CTNNA2: variants seen among roughly 807,000 people sequenced by gnomAD.
The protein encoded by CTNNA2 is catenin alpha 2.
A neutral mutation model predicts 101.0 loss-of-function variants in CTNNA2; 42 were observed. That is an observed-to-expected ratio of 0.42 (90% CI 0.32 to 0.54). The LOEUF is 0.54. CTNNA2 is among the 20% of genes least tolerant of loss of function. The pLI is 0.14. For missense variants in CTNNA2, 871 were observed against 1,223.1 expected, an observed-to-expected ratio of 0.71 and a Z score of 4.29; for synonymous variants, 450 against 456.4, an observed-to-expected ratio of 0.99 and a Z score of 0.18.
At chr2:80,357,236 T>G (rs1457656927) in intron 7 of CTNNA2, among the ~76,000 whole-genome samples, 2 of 140,630 alleles carry the variant, frequency 1.4e-5, no homozygotes, top group Non-Finnish European at 3.1e-5. Context: ...AGCATTTTTT[T>G]TTTGTTTTTT....
intron 3 of CTNNA2, among the ~76,000 whole-genome samples, chr2:79,805,428 A>T (rs897568328): frequency 1.3e-5 from 2 of 152,202 alleles, no homozygotes; most frequent in Admixed American, 1.3e-4. Context: ...TGCCTGTCAC[A>T]TGAGGTCAGG....
chr2:80,337,372 A>C (rs536510622), intron 7 of CTNNA2, among the ~76,000 whole-genome samples: 36 of 151,662 alleles, frequency 2.4e-4, no homozygotes, highest in African/African-American at 8.5e-4. Context: ...AACCAACCAA[A>C]CAAACAAAAA....
chr2:80,126,945 G>C (rs980572821), intron 7 of CTNNA2, among the ~76,000 whole-genome samples: 2 of 152,158 alleles, frequency 1.3e-5, no homozygotes. Context: ...TGGGAACTCT[G>C]TTCTGTGTTT....
chr2:79,730,498 C>A (rs1455759772), intron 2 of CTNNA2, among the ~76,000 whole-genome samples: 3 of 151,792 alleles, frequency 2.0e-5, no homozygotes, highest in Non-Finnish European at 4.4e-5. Context: ...AAACTTATCT[C>A]CCTGTGGCTT....
chr2:79,567,145 C>T (rs1675167921), intron 1 of CTNNA2, among the ~76,000 whole-genome samples: 1 of 152,100 alleles, frequency 6.6e-6, no homozygotes. Flanking sequence ...ATGTATTTGA[C>T]TTAAATACCT....
chr2:80,152,759 T>C (rs1669789531), intron 7 of CTNNA2, among the ~76,000 whole-genome samples: 1 of 152,048 alleles, frequency 6.6e-6, no homozygotes, highest in Non-Finnish European at 1.5e-5. Context: ...ATTCATTAAA[T>C]ATTGGTGATG....
At chr2:79,216,194 G>A (rs1399519340) in intron 2 of CTNNA2, among the ~76,000 whole-genome samples, 1 of 152,172 alleles carries the variant, frequency 6.6e-6, no homozygotes, top group Non-Finnish European at 1.5e-5. Flanking sequence ...CGGCATTGTA[G>A]AAGAAAATAA....
At chr2:80,283,784 C>T (rs1026337841) in intron 7 of CTNNA2, among the ~76,000 whole-genome samples, 1 of 151,964 alleles carries the variant, frequency 6.6e-6, no homozygotes, top group East Asian at 1.9e-4. Flanking sequence ...AGTTCTCCAG[C>T]CACTGCATAT....
chr2:79,859,609 A>G (rs1192649333), intron 4 of CTNNA2, among the ~76,000 whole-genome samples: 1 of 122,320 alleles, frequency 8.2e-6, no homozygotes, highest in Non-Finnish European at 1.8e-5. Flanking sequence ...AACTGCTTGG[A>G]AGTTTTTTTT....
intron 2 of CTNNA2, among the ~76,000 whole-genome samples, chr2:79,736,533 A>C (rs1670890934): frequency 6.6e-6 from 1 of 152,352 alleles, no homozygotes; most frequent in Admixed American, 6.5e-5. Context: ...TAGTTACACT[A>C]GTTTTCCTCT....
intron 1 of CTNNA2, among the ~76,000 whole-genome samples, chr2:79,630,102 C>T (rs1404215115): frequency 1.3e-5 from 2 of 152,194 alleles, no homozygotes; most frequent in Non-Finnish European, 2.9e-5. Context: ...TAACCTTGCT[C>T]ACACTTAACG....
chr2:80,156,945 A>C (rs534012691), intron 7 of CTNNA2, among the ~76,000 whole-genome samples: 1 of 152,288 alleles, frequency 6.6e-6, no homozygotes, highest in African/African-American at 2.4e-5. Flanking sequence ...AAAATGAAGA[A>C]CTCAAAAGAA....
chr2:80,347,154 C>G (rs770196616), intron 7 of CTNNA2, among the ~76,000 whole-genome samples: 58 of 152,188 alleles, frequency 3.8e-4, no homozygotes, highest in African/African-American at 1.1e-3. Context: ...GTGGCAGATT[C>G]AGCGCTCTGC....
At chr2:79,666,038 G>A (rs559373995) in intron 2 of CTNNA2, among the ~76,000 whole-genome samples, 17 of 152,196 alleles carry the variant, frequency 1.1e-4, no homozygotes, top group East Asian at 1.9e-4. Context: ...TTTTATCCCC[G>A]AGGGGAATTT....
intron 4 of CTNNA2, among the ~76,000 whole-genome samples, chr2:79,400,993 T>C (rs1181625978): frequency 6.6e-6 from 1 of 151,934 alleles, no homozygotes; most frequent in Non-Finnish European, 1.5e-5. Flanking sequence ...CTAAGACTTC[T>C]GTGTCTAGCA....
At chr2:79,959,355 AAC>A (rs1410595485) in intron 7 of CTNNA2, among the ~76,000 whole-genome samples, 45 of 152,342 alleles carry the variant, frequency 3.0e-4, no homozygotes, top group African/African-American at 1.1e-3. Context: ...AGTAATTTAG[AAC>A]ACAGTTGAAA....
intron 3 of CTNNA2, among the ~76,000 whole-genome samples, chr2:79,755,673 A>G (rs945191005): frequency 1.3e-5 from 2 of 152,186 alleles, no homozygotes; most frequent in Non-Finnish European, 2.9e-5. Context: ...TGTAAATTTT[A>G]TTACTAGATA....
At chr2:80,025,995 A>G (rs553301618) in intron 7 of CTNNA2, among the ~76,000 whole-genome samples, 1 of 152,224 alleles carries the variant, frequency 6.6e-6, no homozygotes, top group Non-Finnish European at 1.5e-5. Context: ...GTGTTATGTG[A>G]TAAGTATTAC....
intron 3 of CTNNA2, chr2:79,776,909 TG>T (rs1674007079): frequency 6.6e-6 from 1 of 152,242 alleles, no homozygotes; most frequent in African/African-American, 2.4e-5. Flanking sequence ...GAGCATCTTC[TG>T]TGAGTAACCT....
Sources: gnomAD v4.1 joint callset for allele counts (sites outside exome capture counted in the v4.1 genomes callset) on GRCh38, gnomAD v4.1.1 for gene constraint, MANE v1.5 for transcripts, NCBI Gene and HGNC (gene_info 2026-07-23, HGNC 2026-07-21) for gene names.